Variants in RTL10 observed in about 807,000 individuals in gnomAD.
RTL10 encodes the protein retrotransposon Gag like 10.
For missense variants in RTL10, 477 were observed against 470.7 expected, an observed-to-expected ratio of 1.01 and a Z score of -0.12; for synonymous variants, 199 against 188.4, an observed-to-expected ratio of 1.06 and a Z score of -0.46.
rs769973050 is a variant in RTL10, at chr22:19,847,124, T to C, written c.*4043A>G. The C allele has an allele frequency of 1.6e-4, 160 of 985,452 alleles. No homozygotes were observed. The highest frequency in any genetic ancestry group is 1.9e-4 in the Non-Finnish European group (155 of 829,946). 61.0% of individuals were successfully genotyped at this position (985,452 alleles called of 1,614,324 possible). ...GAAATGGAAGTGGGGTGACACACAT[T>C]ACTTGTGGCCTGCTGTGGCCTTTCC... On this transcript the variant is annotated 3_prime_UTR_variant, in exon 3 of 3. Coordinates refer to ENST00000328554, the MANE Select transcript of RTL10 (RefSeq NM_024627.6).
rs895536422 is a variant in RTL10, at chr22:19,852,140, G to C, written c.122C>G (p.Pro41Arg). The C allele has an allele frequency of 4.3e-6, 7 of 1,614,042 alleles. No individual in the cohort carries two copies. In the East Asian group the frequency reaches 8.9e-5, roughly 21 times the overall value. ...DKASPGVAYT[P>R]LVDPWIERPC... is the part of the protein sequence containing the mutation. The stretch of plus-strand genomic sequence containing the variant: ...CCGCTCAATCCAGGGATCCACAAGG[G>C]GGGTGTATGCCACCCCAGGAGACGC... Residue 41 changes from proline to arginine, a missense_variant, in exon 3 of 3, where the codon CCC becomes CGC. Pro to Arg is a moderately radical substitution (Grantham distance 103, BLOSUM62 -2). Transcript: ENST00000328554.
chr22:19,848,489 G>A lies in RTL10; in HGVS notation c.*2678C>T. 4.1e-6 allele frequency: 4 copies of A among 985,508 alleles called. No individual in the cohort carries two copies. Among genetic ancestry groups the A allele is most frequent in the Non-Finnish European group, 4.8e-6 (4 of 829,966 alleles). The allele number at this position is 985,508 out of a possible 1,614,324, so 61.0% of individuals were successfully genotyped here. On this transcript the variant is annotated 3_prime_UTR_variant, in exon 3 of 3. Coordinates refer to ENST00000328554, the MANE Select transcript of RTL10 (RefSeq NM_024627.6). ...CAACAAAGCCACTCTGAAAGGAGCT[G>A]TGTGCACTGCCTGTCTGGAAGGCCA...
chr22:19,847,311 C>T lies in RTL10; in HGVS notation c.*3856G>A. ...TCTTTGTTACTGCAGCACAATCTGG[C>T]TCATGCTGACTGATCCTGCAGGGTA... On this transcript the variant is annotated 3_prime_UTR_variant, in exon 3 of 3. Coordinates refer to ENST00000328554, the MANE Select transcript of RTL10 (RefSeq NM_024627.6). The T allele has an allele frequency of 2.0e-6, 2 of 985,230 alleles. No homozygotes were observed. The highest frequency in any genetic ancestry group is 2.4e-6 in the Non-Finnish European group (2 of 829,716). The allele number at this position is 985,230 out of a possible 1,614,324, so 61.0% of individuals were successfully genotyped here. A position where few individuals can be genotyped will look rare whatever the true frequency, so the allele number is the denominator to read the frequency against.
chr22:19,850,330 C>T lies in RTL10; in HGVS notation c.*837G>A. 1 of 984,660 alleles carries T rather than the reference C, an allele frequency of 1.0e-6. No homozygotes were observed. The highest frequency in any genetic ancestry group is 1.2e-6 in the Non-Finnish European group (1 of 829,158). The allele number at this position is 984,660 out of a possible 1,614,324, so 61.0% of individuals were successfully genotyped here. A position where few individuals can be genotyped will look rare whatever the true frequency, so the allele number is the denominator to read the frequency against. On this transcript the variant is annotated 3_prime_UTR_variant, in exon 3 of 3. Transcript: ENST00000328554. ...CCCTGTGCTGAGGGTCACAGTCTGC[C>T]AGGAGGGAGATCCAAGTCATTTACA...
chr22:19,848,341 C>T lies in RTL10; in HGVS notation c.*2826G>A, dbSNP rs997862252. The T allele has an allele frequency of 6.1e-6, 6 of 985,350 alleles. No individual in the cohort carries two copies. In the African/African-American group the frequency reaches 8.7e-5, roughly 14 times the overall value. 61.0% of individuals were successfully genotyped at this position (985,350 alleles called of 1,614,324 possible). On this transcript the variant is annotated 3_prime_UTR_variant, in exon 3 of 3. Coordinates refer to ENST00000328554, the MANE Select transcript of RTL10 (RefSeq NM_024627.6). ...GGCTCTGCAGCTCCTGAGCACCCTGCCTTCGGGTCTGCCAGTGTGTGGGGG... is the reference window on the plus strand; with the variant it reads ...GGCTCTGCAGCTCCTGAGCACCCTGTCTTCGGGTCTGCCAGTGTGTGGGGG...
Position 19,851,353 on chromosome 22 carries a change from C to T in RTL10, c.909G>A (p.Leu303=). ...EEAAPTPVPR[L]SESANPPAQR... Reference sequence around the variant, plus strand: ...GGGCAGGAGGATTAGCTGACTCCGACAGTCTAGGGACAGGTGTGGGGGCTG... The same window carrying T: ...GGGCAGGAGGATTAGCTGACTCCGATAGTCTAGGGACAGGTGTGGGGGCTG... The change falls in exon 3 of 3, where the codon CTG becomes CTA. Residue 303 remains leucine, a synonymous_variant. Coordinates refer to ENST00000328554, the MANE Select transcript of RTL10 (RefSeq NM_024627.6). The T allele has an allele frequency of 6.2e-7, 1 of 1,614,166 alleles. No individual in the cohort carries two copies.
In RTL10 at chr22:19,851,711, C is replaced by T; in HGVS notation, c.551G>A (p.Ser184Asn). 1 of 1,602,546 alleles carries T rather than the reference C, an allele frequency of 6.2e-7. No homozygotes were observed. Among genetic ancestry groups the T allele is most frequent in the South Asian group, 1.1e-5 (1 of 90,162 alleles). Residue 184 changes from serine to asparagine, a missense_variant, in exon 3 of 3, where the codon AGT (serine) becomes AAT (asparagine). By Grantham distance (46) the Ser-to-Asn change is conservative (BLOSUM62 1). Coordinates refer to ENST00000328554, the MANE Select transcript of RTL10 (RefSeq NM_024627.6). ...DLKEVVQDPNSFAEYHAVVTC... is the reference protein window; with the variant it reads ...DLKEVVQDPNNFAEYHAVVTC... ...AACCACAGCATGGTACTCAGCAAAA[C>T]TGTTCGGGTCTTGAACAACTTCCTT...
rs1215714057 is a variant in RTL10, at chr22:19,848,802, G to A, written c.*2365C>T. ...AGCCCCAATAGGACAGGGTTCAAAAGAGAAGGCAGCAATCCCAGGCTGGAG... is the reference window on the plus strand; with the variant it reads ...AGCCCCAATAGGACAGGGTTCAAAAAAGAAGGCAGCAATCCCAGGCTGGAG... On this transcript the variant is annotated 3_prime_UTR_variant, in exon 3 of 3. Transcript: ENST00000328554. The A allele has an allele frequency of 1.0e-6, 1 of 985,504 alleles. No homozygotes were observed. Among genetic ancestry groups the A allele is most frequent in the South Asian group, 4.7e-5 (1 of 21,284 alleles). The allele number at this position is 985,504 out of a possible 1,614,324, so 61.0% of individuals were successfully genotyped here.
rs543829270 is a variant in RTL10, at chr22:19,851,131, T to A, written c.*36A>T. ...CGCTCAAGCCACACAGGCCACTTCA[T>A]CATGAGGGGCAGCATTGTTCCCACC... On this transcript the variant is annotated 3_prime_UTR_variant, in exon 3 of 3. Transcript: ENST00000328554. The A allele has an allele frequency of 4.5e-6, 7 of 1,546,422 alleles. No individual in the cohort carries two copies. The East Asian group carries it at 1.6e-4, about 36-fold the overall frequency.
At position 19,850,721 on chromosome 22, in the gene RTL10, G is replaced by C. The variant is rs1480443713; in HGVS notation, c.*446C>G. 6.5e-5 allele frequency: 80 copies of C among 1,236,792 alleles called. No homozygotes were observed. Among genetic ancestry groups the C allele is most frequent in the Non-Finnish European group, 8.0e-5 (79 of 991,792 alleles). 76.6% of individuals were successfully genotyped at this position (1,236,792 alleles called of 1,614,324 possible). ...CAGAGAGGGTGGGGCTAGGGGGACA[G>C]ACACAGAAACCCCATACAGGAACGA... is the stretch of plus-strand genomic sequence containing the variant. On this transcript the variant is annotated 3_prime_UTR_variant, in exon 3 of 3. Coordinates refer to ENST00000328554, the MANE Select transcript of RTL10 (RefSeq NM_024627.6).
At position 19,850,425 on chromosome 22, in the gene RTL10, G is replaced by A; in HGVS notation, c.*742C>T. ...GTGAGCAGGGGATGGCAGCACAGCA[G>A]CAGGGAAGAGGAGCCTGCTTCAGAA... On this transcript the variant is annotated 3_prime_UTR_variant, in exon 3 of 3. Transcript: ENST00000328554. 1 of 993,074 alleles carries A rather than the reference G, an allele frequency of 1.0e-6. No homozygotes were observed. The highest frequency in any genetic ancestry group is 4.7e-5 in the South Asian group (1 of 21,362). The allele number at this position is 993,074 out of a possible 1,614,324, so 61.5% of individuals were successfully genotyped here. A position where few individuals can be genotyped will look rare whatever the true frequency, so the allele number is the denominator to read the frequency against.
Position 19,846,500 on chromosome 22 carries a change from C to G in RTL10, c.*4667G>C, listed in dbSNP as rs1937964587. 1 of 985,344 alleles carries G rather than the reference C, an allele frequency of 1.0e-6. No homozygotes were observed. Among genetic ancestry groups the G allele is most frequent in the Non-Finnish European group, 1.2e-6 (1 of 829,960 alleles). 61.0% of individuals were successfully genotyped at this position (985,344 alleles called of 1,614,324 possible). ...ACTCTGCACACAGGCATGTGGAGAC[C>G]ACAGAAGCCTGCCCAATATAGCGCT... is the stretch of plus-strand genomic sequence containing the variant. On this transcript the variant is annotated 3_prime_UTR_variant, in exon 3 of 3. Coordinates refer to ENST00000328554, the MANE Select transcript of RTL10 (RefSeq NM_024627.6).
rs1937993155 is a variant in RTL10 at position 19,847,703 on chromosome 22, T to C, written c.*3464A>G. The stretch of plus-strand genomic sequence containing the variant: ...TGCCTAGAATTGTTACGTGGTCAAA[T>C]TATATTATTGTGTATTCCCACCAAC... On this transcript the variant is annotated 3_prime_UTR_variant, in exon 3 of 3. Coordinates refer to ENST00000328554, the MANE Select transcript of RTL10 (RefSeq NM_024627.6). The C allele has an allele frequency of 1.2e-5, 12 of 984,506 alleles. No individual in the cohort carries two copies. In the South Asian group the frequency reaches 5.6e-4, roughly 46 times the overall value. The allele number at this position is 984,506 out of a possible 1,614,324, so 61.0% of individuals were successfully genotyped here.
Position 19,846,747 on chromosome 22 carries a change from A to T in RTL10, c.*4420T>A. 4 of 364,450 alleles carry T rather than the reference A, an allele frequency of 1.1e-5. No homozygotes were observed. Among genetic ancestry groups the T allele is most frequent in the Non-Finnish European group, 1.5e-5 (4 of 262,138 alleles). 22.6% of individuals were successfully genotyped at this position (364,450 alleles called of 1,614,324 possible). A position where few individuals can be genotyped will look rare whatever the true frequency, so the allele number is the denominator to read the frequency against. ...GAGAGATTAGGACACAGACACAGAC[A>T]GGGACACGGCAAGAAGATGGCTATC... On this transcript the variant is annotated 3_prime_UTR_variant, in exon 3 of 3. Transcript: ENST00000328554.
At chr22:19,853,408 C>T (rs1938156903) in intron 2 of RTL10, among the ~76,000 whole-genome samples, 1 of 152,112 alleles carries the variant, frequency 6.6e-6, no homozygotes, top group Non-Finnish European at 1.5e-5. Context: ...AGGAGCCCTC[C>T]TGTAGGGCTC....
intron 2 of RTL10, among the ~76,000 whole-genome samples, chr22:19,854,058 T>G (rs781274233): frequency 2.0e-5 from 3 of 152,308 alleles, no homozygotes; most frequent in Admixed American, 1.3e-4. Flanking sequence ...CAGGCCTGCT[T>G]TGGGCCTGAG....
chr22:19,848,405 C>T lies in RTL10; in HGVS notation c.*2762G>A. 2.0e-6 allele frequency: 2 copies of T among 985,490 alleles called. No individual in the cohort carries two copies. Among genetic ancestry groups the T allele is most frequent in the Non-Finnish European group, 2.4e-6 (2 of 830,002 alleles). The allele number at this position is 985,490 out of a possible 1,614,324, so 61.0% of individuals were successfully genotyped here. ...ACAACCCAGGGGGAATGCCTCCTTC[C>T]CCCAGCAGGAAAGCAGCTTGGTCAT... On this transcript the variant is annotated 3_prime_UTR_variant, in exon 3 of 3. Coordinates refer to ENST00000328554, the MANE Select transcript of RTL10 (RefSeq NM_024627.6).
At position 19,848,730 on chromosome 22, in the gene RTL10, A is replaced by G; in HGVS notation, c.*2437T>C. On this transcript the variant is annotated 3_prime_UTR_variant, in exon 3 of 3. Transcript: ENST00000328554. ...TCAGACACACGGCAGACCATAACTC[A>G]CACACCCCCAGGAGCTGCCTGGGTC... is the stretch of plus-strand genomic sequence containing the variant. 1 of 985,396 alleles carries G rather than the reference A, an allele frequency of 1.0e-6. No homozygotes were observed. Among genetic ancestry groups the G allele is most frequent in the Non-Finnish European group, 1.2e-6 (1 of 829,966 alleles). 61.0% of individuals were successfully genotyped at this position (985,396 alleles called of 1,614,324 possible).
intron 2 of RTL10, among the ~76,000 whole-genome samples, chr22:19,853,516 C>A (rs558264793): frequency 6.6e-6 from 1 of 152,294 alleles, no homozygotes; most frequent in South Asian, 2.1e-4. Flanking sequence ...CTTCACCCCA[C>A]ACACAAACGC....
Sources: gnomAD v4.1 joint callset for allele counts (sites outside exome capture counted in the v4.1 genomes callset) on GRCh38, gnomAD v4.1.1 for gene constraint, MANE v1.5 for transcripts, NCBI Gene and HGNC (gene_info 2026-07-23, HGNC 2026-07-21) for gene names.